The following RALA variants were observed in gnomAD, a reference collection of about 807,000 sequenced individuals.
RALA encodes the protein RAS like proto-oncogene A.
RALA carries 5 observed loss-of-function variants against 24.0 expected under a neutral mutation model. The ratio of observed to expected loss-of-function variants is 0.21; its 90% CI spans 0.11 to 0.44. RALA has a LOEUF of 0.44. Among genes scored for constraint, RALA ranks in the 20% least tolerant of loss-of-function variants. The probability of loss-of-function intolerance (pLI) is 0.99; values close to 1 mark genes in which losing one functional copy is unlikely to be tolerated. For missense variants in RALA, 95 were observed against 241.2 expected (o/e 0.39, Z 4.01); for synonymous variants, 77 against 83.8 (o/e 0.92, Z 0.44).
At chr7:39,660,101 T>C (rs1481952846) in intron 1 of RALA, among the ~76,000 whole-genome samples, 1 of 152,076 alleles carries the variant, frequency 6.6e-6, no homozygotes, top group Admixed American at 6.6e-5. Context: ...ATCCCAGCAC[T>C]TTGGGAGGCC....
intron 1 of RALA, among the ~76,000 whole-genome samples, chr7:39,626,842 G>A (rs1202003223): frequency 6.6e-6 from 1 of 152,162 alleles, no homozygotes; most frequent in Non-Finnish European, 1.5e-5. Flanking sequence ...ATGGGGGACA[G>A]TAGAAAGAAT....
At chr7:39,680,041 G>A (rs1382383255) in intron 1 of RALA, among the ~76,000 whole-genome samples, 1 of 152,074 alleles carries the variant, frequency 6.6e-6, no homozygotes, top group Non-Finnish European at 1.5e-5. Context: ...CTTATGACGG[G>A]TTTTATGTAA....
intron 1 of RALA, among the ~76,000 whole-genome samples, chr7:39,625,893 C>A (rs1470692662): frequency 6.6e-6 from 1 of 152,162 alleles, no homozygotes; most frequent in Non-Finnish European, 1.5e-5. Context: ...TTAGCTTCTA[C>A]AGAACATAAA....
At chr7:39,674,931 C>G (rs1019821759) in intron 1 of RALA, among the ~76,000 whole-genome samples, 2 of 143,624 alleles carry the variant, frequency 1.4e-5, no homozygotes, top group Admixed American at 7.5e-5. Context: ...TCAAGCAATT[C>G]TCCTGCTTCA....
chr7:39,686,799 A>G lies in RALA; in HGVS notation c.114+18A>G, dbSNP rs1187522411. 1.3e-6 allele frequency: 2 copies of G among 1,569,592 alleles called. No individual in the cohort carries two copies. Among genetic ancestry groups the G allele is most frequent in the Non-Finnish European group, 1.8e-6 (2 of 1,139,832 alleles). On this transcript the variant is annotated intron_variant, in intron 2 of 4. Transcript: ENST00000005257. ...ACGATGAGGTAAGTGCTAATTTTAT[A>G]ATGGATCAAAGTTTAGGCTTTCAGA...
At chr7:39,695,418 G>GTT (rs1250385173) in intron 3 of RALA, among the ~76,000 whole-genome samples, 1 of 144,546 alleles carries the variant, frequency 6.9e-6, no homozygotes, top group Non-Finnish European at 1.5e-5. Flanking sequence ...TTGGTTTTTG[G>GTT]TTTTTTTTTT....
intron 1 of RALA, among the ~76,000 whole-genome samples, chr7:39,660,407 T>C (rs1000061975): frequency 2.8e-4 from 43 of 152,276 alleles, no homozygotes; most frequent in African/African-American, 9.6e-4. Flanking sequence ...TACATAACAC[T>C]TATAAGAGGC....
At chr7:39,638,983 A>G (rs1412003224) in intron 1 of RALA, among the ~76,000 whole-genome samples, 1 of 152,176 alleles carries the variant, frequency 6.6e-6, no homozygotes, top group African/African-American at 2.4e-5. Flanking sequence ...TTGCATCCTC[A>G]CCAGCAGTGT....
At chr7:39,638,803 T>G (rs1054419809) in intron 1 of RALA, among the ~76,000 whole-genome samples, 2 of 152,254 alleles carry the variant, frequency 1.3e-5, no homozygotes, top group Admixed American at 6.5e-5. Flanking sequence ...ACTTTTTGGT[T>G]GTTGTGAATA....
chr7:39,697,959 G>GTGTGTGTGTGTGTGTGTGTA (rs1316030102), intron 4 of RALA, among the ~76,000 whole-genome samples: 1 of 132,030 alleles, frequency 7.6e-6, no homozygotes, highest in African/African-American at 2.7e-5. Context: ...GTGTGTGTGT[G>GTGTGTGTGTGTGTGTGTGTA]TGTGTGTGTG....
intron 1 of RALA, among the ~76,000 whole-genome samples, chr7:39,660,874 T>C (rs1368263825): frequency 6.6e-6 from 1 of 152,208 alleles, no homozygotes; most frequent in Non-Finnish European, 1.5e-5. Context: ...AAGTTAAAAT[T>C]TATCAAAATA....
intron 3 of RALA, among the ~76,000 whole-genome samples, chr7:39,695,755 G>A (rs1352620248): frequency 6.6e-6 from 1 of 152,080 alleles, no homozygotes; most frequent in African/African-American, 2.4e-5. Flanking sequence ...TGAGTCTGTG[G>A]ATACAGAGGG....
At chr7:39,691,084 G>A (rs3801265) in intron 3 of RALA, among the ~76,000 whole-genome samples, 14,170 of 152,136 alleles carry the variant, frequency 0.093, 716 homozygotes, top group African/African-American at 0.12. Context: ...GGAACCTTCA[G>A]AATGAATGAA....
chr7:39,662,518 A>G (rs1047302248), intron 1 of RALA, among the ~76,000 whole-genome samples: 2 of 152,096 alleles, frequency 1.3e-5, no homozygotes, highest in Admixed American at 1.3e-4. Flanking sequence ...CATCGCCCTC[A>G]AGTTTAGAGT....
At position 39,683,344 on chromosome 7, in the gene RALA, C is replaced by T. The variant is rs535642594; in HGVS notation, c.-37-3287C>T. Among the ~76,000 whole-genome samples the T allele has an allele frequency of 1.7e-3, 265 of 152,240 alleles. 4 individuals carry two copies. The highest frequency in any genetic ancestry group is 6.8e-3 in the Middle Eastern group (2 of 294). ...TATTCCCTGTGTCTGGAGCGCTCTTCCCTCAGAGCTGACTGGTTTCTTCAA... is the reference window on the plus strand; with the variant it reads ...TATTCCCTGTGTCTGGAGCGCTCTTTCCTCAGAGCTGACTGGTTTCTTCAA... On this transcript the variant is annotated intron_variant, in intron 1 of 4. Transcript: ENST00000005257.
At chr7:39,641,721 T>A (rs1400489694) in intron 1 of RALA, among the ~76,000 whole-genome samples, 2 of 152,208 alleles carry the variant, frequency 1.3e-5, no homozygotes, top group Admixed American at 6.5e-5. Context: ...ATTTTCATGA[T>A]GTTGGGTATA....
At chr7:39,640,567 A>G (rs1017088302) in intron 1 of RALA, among the ~76,000 whole-genome samples, 3 of 152,160 alleles carry the variant, frequency 2.0e-5, no homozygotes, top group Non-Finnish European at 2.9e-5. Context: ...AATGGCAGAT[A>G]TTTTCTCTCA....
At chr7:39,628,911 C>T (rs894525079) in intron 1 of RALA, among the ~76,000 whole-genome samples, 1 of 152,176 alleles carries the variant, frequency 6.6e-6, no homozygotes, top group South Asian at 2.1e-4. Context: ...TATCTCCTAA[C>T]AAGTCAGTAG....
intron 1 of RALA, among the ~76,000 whole-genome samples, chr7:39,663,803 C>T (rs1258417694): frequency 3.3e-5 from 5 of 151,796 alleles, no homozygotes; most frequent in South Asian, 2.1e-4. Flanking sequence ...CTGGGTCTAA[C>T]GAAAAAAAGC....
Sources: gnomAD v4.1 joint callset for allele counts (sites outside exome capture counted in the v4.1 genomes callset) on GRCh38, gnomAD v4.1.1 for gene constraint, MANE v1.5 for transcripts, NCBI Gene and HGNC (gene_info 2026-07-23, HGNC 2026-07-21) for gene names.